Variants in DPY19L1 observed in about 807,000 individuals in gnomAD.
The protein encoded by DPY19L1 is protein C-mannosyl-transferase DPY19L1.
Under a neutral mutation model 96.9 loss-of-function variants are expected in DPY19L1, and 35 were observed. The ratio of observed to expected loss-of-function variants is 0.36; its 90% CI spans 0.28 to 0.48. DPY19L1 has a LOEUF of 0.48. Among genes scored for constraint, DPY19L1 ranks in the 20% least tolerant of loss-of-function variants. DPY19L1 has a pLI of 0.99. For missense variants in DPY19L1, 521 were observed against 777.9 expected (o/e 0.67, Z 3.93); for synonymous variants, 205 against 252.6 (o/e 0.81, Z 1.79).
At chr7:34,989,209 G>A (rs770254271) in intron 7 of DPY19L1, among the ~76,000 whole-genome samples, 22 of 152,168 alleles carry the variant, frequency 1.4e-4, no homozygotes, top group Non-Finnish European at 3.2e-4. Flanking sequence ...AGAATATGCT[G>A]TGTAGTTTCT....
At chr7:34,970,918 G>A (rs1304724655) in intron 8 of DPY19L1, among the ~76,000 whole-genome samples, 1 of 150,380 alleles carries the variant, frequency 6.6e-6, no homozygotes, top group African/African-American at 2.4e-5. Context: ...TATATAAACT[G>A]AATTTCTAAA....
intron 10 of DPY19L1, among the ~76,000 whole-genome samples, chr7:34,961,109 A>G (rs1394448874): frequency 6.6e-6 from 1 of 152,214 alleles, no homozygotes; most frequent in Non-Finnish European, 1.5e-5. Context: ...ATTCAGCACA[A>G]TCCCAATAAT....
At chr7:34,961,979 A>G (rs1457663905) in intron 10 of DPY19L1, among the ~76,000 whole-genome samples, 1 of 152,232 alleles carries the variant, frequency 6.6e-6, no homozygotes, top group Non-Finnish European at 1.5e-5. Context: ...AGCAGCAGGA[A>G]CTCTCATTTA....
At chr7:34,934,032 C>T (rs978587078) in intron 21 of DPY19L1, among the ~76,000 whole-genome samples, 5 of 151,356 alleles carry the variant, frequency 3.3e-5, no homozygotes, top group Admixed American at 3.3e-4. Context: ...GGTGTGATCT[C>T]GGCTCACTGC....
Position 35,011,670 on chromosome 7 carries a change from C to CA in DPY19L1, c.550-221dup, listed in dbSNP as rs955559863. On this transcript the variant is annotated intron_variant, in intron 4 of 21. Transcript: ENST00000638088. ...CCATGGGTAAGGACAAAATATGGGC[C>CA]AAAAAAAAGTGCTAAATTTATGTTT... is the stretch of plus-strand genomic sequence containing the variant. 1.1e-3 allele frequency among the ~76,000 whole-genome samples: 160 copies of CA among 151,024 alleles called. 1 individual carries two copies. The highest frequency in any genetic ancestry group is 1.0e-3 in the South Asian group (5 of 4,778).
chr7:35,019,617 G>A (rs1785946417), intron 1 of DPY19L1, among the ~76,000 whole-genome samples: 1 of 151,890 alleles, frequency 6.6e-6, no homozygotes, highest in Non-Finnish European at 1.5e-5. Flanking sequence ...GAATAAGGAG[G>A]AAGAGAAGGA....
chr7:34,956,089 T>A (rs1784372712), intron 11 of DPY19L1, among the ~76,000 whole-genome samples: 1 of 152,210 alleles, frequency 6.6e-6, no homozygotes, highest in Non-Finnish European at 1.5e-5. Flanking sequence ...GCTTAATTCG[T>A]ACCTAAGGCA....
At chr7:35,009,544 A>G (rs1785649294) in intron 6 of DPY19L1, among the ~76,000 whole-genome samples, 2 of 152,258 alleles carry the variant, frequency 1.3e-5, no homozygotes, top group East Asian at 3.8e-4. Context: ...TAAATATTAC[A>G]TAGAAGATAC....
chr7:34,985,694 G>A (rs1785032935), intron 7 of DPY19L1, among the ~76,000 whole-genome samples: 1 of 152,078 alleles, frequency 6.6e-6, no homozygotes, highest in African/African-American at 2.4e-5. Context: ...AGGATGTGGA[G>A]AAGAGGGAAC....
chr7:34,952,893 T>TA (rs1326410165), intron 13 of DPY19L1, among the ~76,000 whole-genome samples: 1 of 152,158 alleles, frequency 6.6e-6, no homozygotes, highest in Non-Finnish European at 1.5e-5. Context: ...CATTCATTCA[T>TA]AAAAAACTGA....
In DPY19L1 at chr7:34,938,051, A is replaced by T. The variant is rs1245741459; in HGVS notation, c.2033T>A (p.Ile678Lys). The change falls in exon 21 of 22, where the codon ATA (isoleucine) becomes AAA (lysine). Residue 678 changes from isoleucine (I) to lysine (K), a missense_variant. By Grantham distance (102) the Ile-to-Lys change is moderately radical (BLOSUM62 -3). Transcript: ENST00000638088. ...KAAEEVKRELIKLKVNYYILE... is the reference protein window; with the variant it reads ...KAAEEVKRELKKLKVNYYILE... ...AATGTAATAGTTCACTTTTAACTTTATCAGTTCTCGCTTCACTTCTTCGGC... is the reference window on the plus strand; with the variant it reads ...AATGTAATAGTTCACTTTTAACTTTTTCAGTTCTCGCTTCACTTCTTCGGC... 6.2e-7 allele frequency: 1 copy of T among 1,614,016 alleles called. No homozygotes were observed. The highest frequency in any genetic ancestry group is 1.1e-5 in the South Asian group (1 of 91,076).
rs1233786893 is a variant in DPY19L1, at chr7:34,994,300, A to G, written c.765-4359T>C. On this transcript the variant is annotated intron_variant, in intron 6 of 21. Transcript: ENST00000638088. ...CATCATTTTCTTATGTCACTGGAAC[A>G]TCTAGTTGCAAAGGCACCTCATTCT... Among the ~76,000 whole-genome samples, 4 of 152,278 alleles carry G rather than the reference A, an allele frequency of 2.6e-5. No individual in the cohort carries two copies. In the East Asian group the frequency reaches 7.7e-4, roughly 29 times the overall value.
chr7:35,012,856 T>C (rs1328455665), intron 4 of DPY19L1, among the ~76,000 whole-genome samples: 1 of 152,006 alleles, frequency 6.6e-6, no homozygotes, highest in Non-Finnish European at 1.5e-5. Flanking sequence ...AACAGAAATA[T>C]AGATGAAAGG....
At chr7:34,984,637 A>T (rs1220702362) in intron 7 of DPY19L1, among the ~76,000 whole-genome samples, 38 of 152,224 alleles carry the variant, frequency 2.5e-4, no homozygotes, top group Non-Finnish European at 4.9e-4. Flanking sequence ...TAATAAGTTC[A>T]CAAATCCATA....
intron 14 of DPY19L1, 48 bp from the exon 15 acceptor site, chr7:34,947,749 C>A (rs1336412508): frequency 1.0e-5 from 15 of 1,467,250 alleles, no homozygotes; most frequent in South Asian, 7.3e-5. Flanking sequence ...TTTAACCAAA[C>A]AAAATTTCAT....
At chr7:35,025,057 T>C (rs1786090331) in intron 1 of DPY19L1, among the ~76,000 whole-genome samples, 1 of 152,212 alleles carries the variant, frequency 6.6e-6, no homozygotes, top group Middle Eastern at 3.2e-3. Context: ...TGAAGGTAAA[T>C]ATCTATTTTT....
intron 10 of DPY19L1, among the ~76,000 whole-genome samples, chr7:34,962,960 T>C (rs2557772): frequency 0.26 from 39,888 of 151,696 alleles, 5,468 homozygotes; most frequent in Non-Finnish European, 0.31. Flanking sequence ...TTTGGGAGGC[T>C]GAGGTGGGCA....
intron 3 of DPY19L1, 37 bp from the exon 4 acceptor site, chr7:35,013,742 G>T (rs763491959): frequency 2.0e-6 from 3 of 1,514,420 alleles, no homozygotes; most frequent in East Asian, 2.3e-5. Flanking sequence ...ATAACAAAAG[G>T]TACATAATTA....
rs538658193 is a variant in DPY19L1 at position 34,997,363 on chromosome 7, C to A, written c.765-7422G>T. 6.4e-5 allele frequency among the ~76,000 whole-genome samples: 9 copies of A among 140,674 alleles called. No homozygotes were observed. The South Asian group carries it at 1.8e-3, about 28-fold the overall frequency. The allele number at this position is 140,674 out of a possible 152,430, so 92.3% of individuals were successfully genotyped here. On this transcript the variant is annotated intron_variant, in intron 6 of 21. Transcript: ENST00000638088. ...ATCCCAGCACTTTGGGAGGCCGAGG[C>A]GGGCGGATCACAACGTCAGGAGATC... is the stretch of plus-strand genomic sequence containing the variant.
Sources: gnomAD v4.1 joint callset for allele counts (sites outside exome capture counted in the v4.1 genomes callset) on GRCh38, gnomAD v4.1.1 for gene constraint, MANE v1.5 for transcripts, NCBI Gene and HGNC (gene_info 2026-07-23, HGNC 2026-07-21) for gene names.